The following KCTD6 variants were observed in gnomAD, a reference collection of about 807,000 sequenced individuals.
The protein encoded by KCTD6 is BTB/POZ domain-containing protein KCTD6.
KCTD6 carries 6 observed loss-of-function variants against 18.7 expected under a neutral mutation model. The observed-to-expected ratio is 0.32, with a 90% CI of 0.18 to 0.63. The LOEUF (loss-of-function observed/expected upper bound fraction) is 0.63. Among genes scored for constraint, KCTD6 ranks in the 30% least tolerant of loss-of-function variants. The pLI is 0.79. For synonymous variants in KCTD6, 86 were observed against 108.5 expected (o/e 0.79, Z 1.29); for missense variants, 165 against 300.2 (o/e 0.55, Z 3.33).
At chr3:58,495,047 T>G (rs1204067088) in intron 1 of KCTD6, among the ~76,000 whole-genome samples, 1 of 152,230 alleles carries the variant, frequency 6.6e-6, no homozygotes, top group Non-Finnish European at 1.5e-5. Context: ...TCTTTGAATT[T>G]TATAGCTGTT....
chr3:58,492,305 G>C lies in KCTD6; in HGVS notation c.-44+136G>C, dbSNP rs988808625. The stretch of plus-strand genomic sequence containing the variant: ...GGGCTCCTGGAACGGGGCGGCGGCG[G>C]GGCCGCGTTGAGGGGACCGCGCGTC... On this transcript the variant is annotated intron_variant, in intron 1 of 2. Transcript: ENST00000404589. The surrounding 1 kb of genome is among the most constrained non-coding windows in gnomAD (Gnocchi z 6.1). 6.7e-6 allele frequency: 1 copy of C among 149,734 alleles called. No homozygotes were observed. The highest frequency in any genetic ancestry group is 1.5e-5 in the Non-Finnish European group (1 of 67,116). The allele number at this position is 149,734 out of a possible 1,614,324, so 9.3% of individuals were successfully genotyped here.
In KCTD6 at chr3:58,501,888, G is replaced by T; in HGVS notation, c.*256G>T. The stretch of plus-strand genomic sequence containing the variant: ...AAAAAGAAGTCTGAAAATCATTATG[G>T]TATATAATCTACCCTTAACAGAGCT... On this transcript the variant is annotated 3_prime_UTR_variant, in exon 3 of 3. Transcript: ENST00000404589. This position sits in a 1 kb window ranked among gnomAD's most constrained non-coding sequence, Gnocchi z 9.7. 3.6e-6 allele frequency: 1 copy of T among 278,388 alleles called. No homozygotes were observed. 17.2% of individuals were successfully genotyped at this position (278,388 alleles called of 1,614,324 possible).
intron 2 of KCTD6, chr3:58,500,278 ATT>A (rs66715551): frequency 0.069 from 8,259 of 119,278 alleles, 287 homozygotes; most frequent in East Asian, 0.22. Context: ...CACCCAGTGA[ATT>A]TTTTTTTTTT....
Position 58,497,033 on chromosome 3 carries a change from G to A in KCTD6, c.-43-1680G>A, listed in dbSNP as rs957155867. ...CCCATTTCTTGGTCCTGTTTACTTC[G>A]GATACTATTTGTGAAGCAAGTCAGA... On this transcript the variant is annotated intron_variant, in intron 1 of 2. Coordinates refer to ENST00000404589, the MANE Select transcript of KCTD6 (RefSeq NM_001128214.2). The surrounding 1 kb of genome is among the most constrained non-coding windows in gnomAD (Gnocchi z 4.2). 5.3e-5 allele frequency among the ~76,000 whole-genome samples: 8 copies of A among 152,132 alleles called. No homozygotes were observed. The highest frequency in any genetic ancestry group is 9.7e-5 in the African/African-American group (4 of 41,418).
intron 2 of KCTD6, among the ~76,000 whole-genome samples, chr3:58,499,420 G>A (rs566398220): frequency 6.6e-6 from 1 of 152,118 alleles, no homozygotes; most frequent in East Asian, 1.9e-4. Flanking sequence ...TTGAGAAAGT[G>A]CCTCTTCTCC....
At position 58,497,065 on chromosome 3, in the gene KCTD6, A is replaced by T. The variant is rs914479337; in HGVS notation, c.-43-1648A>T. On this transcript the variant is annotated intron_variant, in intron 1 of 2. Coordinates refer to ENST00000404589, the MANE Select transcript of KCTD6 (RefSeq NM_001128214.2). This position sits in a 1 kb window ranked among gnomAD's most constrained non-coding sequence, Gnocchi z 4.2. Reference sequence around the variant, plus strand: ...ATTTGTGAAGCAAGTCAGAGGAATGAAAGACTGTCATAACAGTCTTGAATT... The same window carrying T: ...ATTTGTGAAGCAAGTCAGAGGAATGTAAGACTGTCATAACAGTCTTGAATT... Among the ~76,000 whole-genome samples the T allele has an allele frequency of 1.3e-5, 2 of 152,260 alleles. No individual in the cohort carries two copies. Among genetic ancestry groups the T allele is most frequent in the African/African-American group, 4.8e-5 (2 of 41,474 alleles).
Position 58,498,507 on chromosome 3 carries a change from G to C in KCTD6, c.-43-206G>C, listed in dbSNP as rs913470805. The C allele has an allele frequency of 1.5e-5, 7 of 481,762 alleles. No individual in the cohort carries two copies. The highest frequency in any genetic ancestry group is 2.5e-5 in the Non-Finnish European group (7 of 278,240). The allele number at this position is 481,762 out of a possible 1,614,324, so 29.8% of individuals were successfully genotyped here. On this transcript the variant is annotated intron_variant, in intron 1 of 2. Coordinates refer to ENST00000404589, the MANE Select transcript of KCTD6 (RefSeq NM_001128214.2). This position sits in a 1 kb window ranked among gnomAD's most constrained non-coding sequence, Gnocchi z 4.6. ...ATCTTCAGTCTCTTAGTTCCAGATG[G>C]GTTCTCTATGGTAAGAATACAGGAC...
In KCTD6 at chr3:58,497,657, C is replaced by T. The variant is rs200189924; in HGVS notation, c.-43-1056C>T. The T allele has an allele frequency of 6.6e-6, 1 of 152,222 alleles. No individual in the cohort carries two copies. Among genetic ancestry groups the T allele is most frequent in the Admixed American group, 6.5e-5 (1 of 15,286 alleles). 9.4% of individuals were successfully genotyped at this position (152,222 alleles called of 1,614,324 possible). A position where few individuals can be genotyped will look rare whatever the true frequency, so the allele number is the denominator to read the frequency against. ...CTGAGCATTTCTCAGTGTCTTAAGGCTGGCTCTCCATGAGTGCTGGCTGAT... is the reference window on the plus strand; with the variant it reads ...CTGAGCATTTCTCAGTGTCTTAAGGTTGGCTCTCCATGAGTGCTGGCTGAT... On this transcript the variant is annotated intron_variant, in intron 1 of 2. Coordinates refer to ENST00000404589, the MANE Select transcript of KCTD6 (RefSeq NM_001128214.2). This position sits in a 1 kb window ranked among gnomAD's most constrained non-coding sequence, Gnocchi z 4.2.
At chr3:58,499,074 A>T (rs1301728038) in intron 2 of KCTD6, among the ~76,000 whole-genome samples, 1 of 151,864 alleles carries the variant, frequency 6.6e-6, no homozygotes, top group Non-Finnish European at 1.5e-5. Context: ...GGTTCAAGAG[A>T]TTCTCCTGCC....
chr3:58,495,366 GAA>G (rs1490705341), intron 1 of KCTD6, among the ~76,000 whole-genome samples: 1 of 152,196 alleles, frequency 6.6e-6, no homozygotes, highest in East Asian at 1.9e-4. Context: ...TGATTCAGTA[GAA>G]GAGATTGAAA....
At chr3:58,499,238 G>A (rs1267193051) in intron 2 of KCTD6, among the ~76,000 whole-genome samples, 1 of 152,138 alleles carries the variant, frequency 6.6e-6, no homozygotes, top group Non-Finnish European at 1.5e-5. Context: ...TGTTTTAATG[G>A]AATCAAACTC....
At position 58,498,853 on chromosome 3, in the gene KCTD6, T is replaced by A; in HGVS notation, c.27+71T>A. On this transcript the variant is annotated intron_variant, in intron 2 of 2. Coordinates refer to ENST00000404589, the MANE Select transcript of KCTD6 (RefSeq NM_001128214.2). This position sits in a 1 kb window ranked among gnomAD's most constrained non-coding sequence, Gnocchi z 4.6. ...TTGTGTGTCTTTTTATCCTTATGTA[T>A]TTTTAGGTATATCTTATAAGAAAAG... is the stretch of plus-strand genomic sequence containing the variant. 1 of 1,243,764 alleles carries A rather than the reference T, an allele frequency of 8.0e-7. No homozygotes were observed. The highest frequency in any genetic ancestry group is 1.3e-5 in the South Asian group (1 of 76,092). 77.0% of individuals were successfully genotyped at this position (1,243,764 alleles called of 1,614,324 possible).
In KCTD6 at chr3:58,496,677, A is replaced by G. The variant is rs550059492; in HGVS notation, c.-43-2036A>G. 2.9e-3 allele frequency among the ~76,000 whole-genome samples: 448 copies of G among 152,266 alleles called. 2 individuals carry two copies. Among genetic ancestry groups the G allele is most frequent in the African/African-American group, 0.01 (421 of 41,560 alleles). On this transcript the variant is annotated intron_variant, in intron 1 of 2. Coordinates refer to ENST00000404589, the MANE Select transcript of KCTD6 (RefSeq NM_001128214.2). The surrounding 1 kb of genome is among the most constrained non-coding windows in gnomAD (Gnocchi z 5.1). Reference sequence around the variant, plus strand: ...GCCTCTGCTGGTCCATCTGTTATACAGCACTTTGAATTCTGTTCTGTACTT... The same window carrying G: ...GCCTCTGCTGGTCCATCTGTTATACGGCACTTTGAATTCTGTTCTGTACTT...
chr3:58,501,950 T>C lies in KCTD6; in HGVS notation c.*318T>C, dbSNP rs1020707491. 5.5e-6 allele frequency: 1 copy of C among 181,208 alleles called. No homozygotes were observed. The highest frequency in any genetic ancestry group is 2.3e-5 in the African/African-American group (1 of 42,650). 11.2% of individuals were successfully genotyped at this position (181,208 alleles called of 1,614,324 possible). ...AGTGCTAAAATGATTTCTGATAAAA[T>C]GGTCCCTAACTCAACTAGAAGGCTA... On this transcript the variant is annotated 3_prime_UTR_variant, in exon 3 of 3. Coordinates refer to ENST00000404589, the MANE Select transcript of KCTD6 (RefSeq NM_001128214.2). This position sits in a 1 kb window ranked among gnomAD's most constrained non-coding sequence, Gnocchi z 9.7.
Position 58,496,372 on chromosome 3 carries a change from G to A in KCTD6, c.-43-2341G>A, listed in dbSNP as rs2063175110. 6.6e-6 allele frequency among the ~76,000 whole-genome samples: 1 copy of A among 152,160 alleles called. No individual in the cohort carries two copies. Among genetic ancestry groups the A allele is most frequent in the Admixed American group, 6.6e-5 (1 of 15,264 alleles). On this transcript the variant is annotated intron_variant, in intron 1 of 2. Transcript: ENST00000404589. The surrounding 1 kb of genome is among the most constrained non-coding windows in gnomAD (Gnocchi z 5.1). ...GTCAGAACATGCAAGTTCTTATCTA[G>A]TTACTTCCCAGCTGTGGCGCCCTCA...
In KCTD6 at chr3:58,501,470, T is replaced by C; in HGVS notation, c.552T>C (p.Tyr184=). 6.6e-7 allele frequency: 1 copy of C among 1,519,056 alleles called. No individual in the cohort carries two copies. Among genetic ancestry groups the C allele is most frequent in the Non-Finnish European group, 8.8e-7 (1 of 1,136,786 alleles). The allele number at this position is 1,519,056 out of a possible 1,614,324, so 94.1% of individuals were successfully genotyped here. A position where few individuals can be genotyped will look rare whatever the true frequency, so the allele number is the denominator to read the frequency against. ...CCTTTACTTTTGGACCCTGTGATTA[T>C]CACCAGGAAGTTTCTCTTAGGGTCC... is the stretch of plus-strand genomic sequence containing the variant. ...QVSFTFGPCD[Y]HQEVSLRVHL... is the part of the protein sequence containing the mutation. Residue 184 remains tyrosine, a synonymous_variant, in exon 3 of 3, where the codon TAT becomes TAC. Transcript: ENST00000404589. This position sits in a 1 kb window ranked among gnomAD's most constrained non-coding sequence, Gnocchi z 9.7.
chr3:58,492,842 T>A lies in KCTD6; in HGVS notation c.-44+673T>A, dbSNP rs1027405961. ...TGTGTCTGGGGGTGGGACGGGGAAA[T>A]GAAACGTGACAGAGATCCTGTTTGG... On this transcript the variant is annotated intron_variant, in intron 1 of 2. Transcript: ENST00000404589. The surrounding 1 kb of genome is among the most constrained non-coding windows in gnomAD (Gnocchi z 6.1). Among the ~76,000 whole-genome samples the A allele has an allele frequency of 6.6e-6, 1 of 152,068 alleles. No individual in the cohort carries two copies. The highest frequency in any genetic ancestry group is 2.4e-5 in the African/African-American group (1 of 41,420).
chr3:58,494,849 T>A (rs1357281657), intron 1 of KCTD6, among the ~76,000 whole-genome samples: 1 of 152,248 alleles, frequency 6.6e-6, no homozygotes, highest in African/African-American at 2.4e-5. Flanking sequence ...TTAAGCTTAA[T>A]TACCTGCTAA....
intron 1 of KCTD6, chr3:58,494,375 G>A (rs1007849115): frequency 6.6e-6 from 1 of 152,180 alleles, no homozygotes; most frequent in African/African-American, 2.4e-5. Context: ...CACATTTCAA[G>A]AAGAGCAAAA....
Sources: allele counts gnomAD v4.1 joint callset (sites outside exome capture counted in the v4.1 genomes callset), GRCh38; gene constraint gnomAD v4.1.1; non-coding constraint Gnocchi (gnomAD v3.1); transcripts MANE v1.5; gene names NCBI Gene and HGNC (gene_info 2026-07-23, HGNC 2026-07-21).